DDX10: variants seen among roughly 807,000 people sequenced by gnomAD.
DDX10 encodes probable ATP-dependent RNA helicase DDX10.
DDX10 carries 74 observed loss-of-function variants against 104.3 expected under a neutral mutation model. The observed-to-expected ratio is 0.71, with a 90% CI of 0.59 to 0.86. The LOEUF is 0.86. Ranked by LOEUF, DDX10 falls within the 40% of genes least tolerant of loss-of-function variation. DDX10 has a pLI of 0.00. For synonymous variants in DDX10, 351 were observed against 353.4 expected, an observed-to-expected ratio of 0.99 and a Z score of 0.08; for missense variants, 952 against 1,040.0, an observed-to-expected ratio of 0.92 and a Z score of 1.16.
chr11:108,740,097 T>G (rs1274790037), intron 13 of DDX10, among the ~76,000 whole-genome samples: 1 of 151,836 alleles, frequency 6.6e-6, no homozygotes, highest in Non-Finnish European at 1.5e-5. Context: ...GTGATAAGCA[T>G]AGTACCTGAT....
In DDX10 at chr11:108,688,477, A is replaced by G. The variant is rs559770213; in HGVS notation, c.849-459A>G. On this transcript the variant is annotated intron_variant, in intron 6 of 17. Coordinates refer to ENST00000322536, the MANE Select transcript of DDX10 (RefSeq NM_004398.4). ...GTATTCTCTCCAAATACTTCAGCAC[A>G]CGTATTACTGAGAGTTTAATATTTG... Among the ~76,000 whole-genome samples the G allele has an allele frequency of 1.4e-4, 21 of 152,330 alleles. 1 individual carries two copies. In the South Asian group the frequency reaches 4.4e-3, roughly 32 times the overall value.
intron 9 of DDX10, among the ~76,000 whole-genome samples, chr11:108,697,414 C>G (rs4027487): frequency 0.99 from 150,747 of 152,202 alleles, 74,687 homozygotes; most frequent in Middle Eastern, 1. Flanking sequence ...TTTGCTTTTG[C>G]AATTGAACTA....
At chr11:108,824,840 C>T (rs551064432) in intron 13 of DDX10, among the ~76,000 whole-genome samples, 6 of 151,742 alleles carry the variant, frequency 4.0e-5, no homozygotes, top group African/African-American at 1.5e-4. Flanking sequence ...CCCAGCCAGG[C>T]GAACAGAACA....
chr11:108,843,719 G>A (rs1381543328), intron 15 of DDX10, among the ~76,000 whole-genome samples: 1 of 150,890 alleles, frequency 6.6e-6, no homozygotes, highest in Non-Finnish European at 1.5e-5. Flanking sequence ...TCGTGCCACT[G>A]CACTCCAGCC....
chr11:108,883,455 A>G (rs1863253853), intron 16 of DDX10, among the ~76,000 whole-genome samples: 1 of 151,652 alleles, frequency 6.6e-6, no homozygotes, highest in African/African-American at 2.4e-5. Context: ...CTCCTTGGGG[A>G]TTTTGTTCCA....
At chr11:108,871,188 G>A (rs1259211294) in intron 16 of DDX10, among the ~76,000 whole-genome samples, 1 of 152,092 alleles carries the variant, frequency 6.6e-6, no homozygotes, top group Admixed American at 6.6e-5. Flanking sequence ...CTATACTGTG[G>A]TTGATTTCCA....
chr11:108,689,987 A>G (rs981515911), intron 7 of DDX10, among the ~76,000 whole-genome samples: 5 of 151,910 alleles, frequency 3.3e-5, no homozygotes, highest in Non-Finnish European at 5.9e-5. Flanking sequence ...AGGCTGAGGT[A>G]GGAGGATTGC....
At chr11:108,713,864 T>A (rs2094287810) in intron 10 of DDX10, among the ~76,000 whole-genome samples, 1 of 152,208 alleles carries the variant, frequency 6.6e-6, no homozygotes, top group Non-Finnish European at 1.5e-5. Context: ...AGTCTTTTTG[T>A]GAGCCTATGC....
At chr11:108,802,271 G>T (rs1862033184) in intron 13 of DDX10, among the ~76,000 whole-genome samples, 1 of 152,134 alleles carries the variant, frequency 6.6e-6, no homozygotes, top group Admixed American at 6.5e-5. Flanking sequence ...AAATGCATCA[G>T]TGAGCATTTC....
chr11:108,719,861 A>G lies in DDX10; in HGVS notation c.1475A>G (p.Lys492Arg). 1 of 1,597,516 alleles carries G rather than the reference A, an allele frequency of 6.3e-7. No individual in the cohort carries two copies. Among genetic ancestry groups the G allele is most frequent in the Non-Finnish European group, 8.6e-7 (1 of 1,164,900 alleles). Residue 492 changes from lysine to arginine, a missense_variant, in exon 12 of 18, where the codon AAG becomes AGG. By Grantham distance (26) the Lys-to-Arg change is conservative (BLOSUM62 2). This residue lies in a region of DDX10 where 533 missense variants were observed against 534.1 expected (regional missense o/e 1.00). Transcript: ENST00000322536. ...GATAAAGAAGTATTTGATGTGAGCA[A>G]GTTACCTATACCTGAATATGCCCTG... Reference protein sequence around the residue: ...MKDKEVFDVSKLPIPEYALSL... With the variant: ...MKDKEVFDVSRLPIPEYALSL...
intron 3 of DDX10, chr11:108,675,932 G>A: frequency 5.3e-6 from 3 of 568,486 alleles, no homozygotes; most frequent in Non-Finnish European, 6.2e-6. Flanking sequence ...CATGTGGCAG[G>A]CACTCAATAA....
chr11:108,773,314 C>T (rs2094365729), intron 13 of DDX10, among the ~76,000 whole-genome samples: 1 of 152,152 alleles, frequency 6.6e-6, no homozygotes, highest in South Asian at 2.1e-4. Context: ...TTGTTTTCTG[C>T]TTACTTAGAC....
At chr11:108,823,734 A>T (rs1366558320) in intron 13 of DDX10, among the ~76,000 whole-genome samples, 1 of 152,242 alleles carries the variant, frequency 6.6e-6, no homozygotes, top group African/African-American at 2.4e-5. Context: ...GACTTTAATC[A>T]TGAATGAATT....
At chr11:108,921,433 A>G (rs557620772) in intron 17 of DDX10, 79 of 152,286 alleles carry the variant, frequency 5.2e-4, no homozygotes, top group African/African-American at 1.8e-3. Context: ...CATAAGCTGT[A>G]TGATTACGTG....
At chr11:108,804,066 G>A (rs1286026554) in intron 13 of DDX10, among the ~76,000 whole-genome samples, 1 of 152,158 alleles carries the variant, frequency 6.6e-6, no homozygotes, top group East Asian at 1.9e-4. Context: ...ATGTAAGTAA[G>A]CGGCTCAGAA....
At chr11:108,724,576 T>A (rs1214013573) in intron 13 of DDX10, among the ~76,000 whole-genome samples, 2 of 152,122 alleles carry the variant, frequency 1.3e-5, no homozygotes, top group Non-Finnish European at 2.9e-5. Flanking sequence ...TAGATCATTT[T>A]AAGTCTGTAG....
At position 108,665,111 on chromosome 11, in the gene DDX10, C is replaced by G. The variant is rs2094208156; in HGVS notation, c.-43C>G. On this transcript the variant is annotated 5_prime_UTR_variant, in exon 1 of 18. Coordinates refer to ENST00000322536, the MANE Select transcript of DDX10 (RefSeq NM_004398.4). Reference sequence around the variant, plus strand: ...GTTCCGTGAGTCTGGCCTTAGGTGTCTCGTGTCTGGGGTTGATCCGAGCTG... The same window carrying G: ...GTTCCGTGAGTCTGGCCTTAGGTGTGTCGTGTCTGGGGTTGATCCGAGCTG... 6.4e-7 allele frequency: 1 copy of G among 1,561,318 alleles called. No homozygotes were observed. Among genetic ancestry groups the G allele is most frequent in the African/African-American group, 1.4e-5 (1 of 72,396 alleles).
At chr11:108,790,619 T>A (rs780590879) in intron 13 of DDX10, among the ~76,000 whole-genome samples, 3 of 152,252 alleles carry the variant, frequency 2.0e-5, no homozygotes, top group Non-Finnish European at 4.4e-5. Flanking sequence ...TTTGTCTCAT[T>A]TAATGGCATC....
chr11:108,896,755 T>C (rs1394597308), intron 16 of DDX10, among the ~76,000 whole-genome samples: 3 of 152,130 alleles, frequency 2.0e-5, no homozygotes, highest in South Asian at 2.1e-4. Context: ...GTAATTTTTA[T>C]TGAGTGCCTT....
Sources: allele counts gnomAD v4.1 joint callset (sites outside exome capture counted in the v4.1 genomes callset), GRCh38; gene constraint gnomAD v4.1.1; regional missense constraint gnomAD v4.1.1; transcripts MANE v1.5; gene names NCBI Gene and HGNC (gene_info 2026-07-23, HGNC 2026-07-21).